The following SH3RF1 variants were observed in gnomAD, a reference collection of about 807,000 sequenced individuals.
SH3RF1 encodes E3 ubiquitin-protein ligase SH3RF1.
Under a neutral mutation model 74.0 loss-of-function variants are expected in SH3RF1, and 32 were observed. The ratio of observed to expected loss-of-function variants is 0.43; its 90% CI spans 0.33 to 0.58. The LOEUF (loss-of-function observed/expected upper bound fraction) is 0.58. SH3RF1 is among the 20% of genes least tolerant of loss of function. SH3RF1 has a pLI of 0.05. For missense variants in SH3RF1, 954 were observed against 1,130.9 expected, an observed-to-expected ratio of 0.84 and a Z score of 2.24; for synonymous variants, 396 against 439.6, an observed-to-expected ratio of 0.90 and a Z score of 1.24.
intron 11 of SH3RF1, among the ~76,000 whole-genome samples, chr4:169,101,396 A>T (rs1351674933): frequency 1.3e-5 from 2 of 152,172 alleles, no homozygotes; most frequent in African/African-American, 4.8e-5. Flanking sequence ...TCCACTTATG[A>T]GATGCCCAGA....
intron 3 of SH3RF1, among the ~76,000 whole-genome samples, chr4:169,155,876 T>TCC (rs3070773): frequency 0.012 from 908 of 73,042 alleles, 16 homozygotes; most frequent in African/African-American, 0.053. Context: ...CTCCTGAGTT[T>TCC]GTTTTAGATT....
intron 2 of SH3RF1, among the ~76,000 whole-genome samples, chr4:169,257,090 G>A (rs1466387398): frequency 6.6e-6 from 1 of 152,116 alleles, no homozygotes; most frequent in African/African-American, 2.4e-5. Context: ...GAAGAAATTA[G>A]GTAAGGAAGT....
intron 4 of SH3RF1, among the ~76,000 whole-genome samples, chr4:169,141,359 G>C (rs1455391069): frequency 6.6e-6 from 1 of 152,076 alleles, no homozygotes; most frequent in Non-Finnish European, 1.5e-5. Context: ...TGATAGCATG[G>C]TATTCCATTT....
At chr4:169,268,771 G>T in intron 2 of SH3RF1, 49 bp downstream of exon 2, 2 of 1,509,986 alleles carry the variant, frequency 1.3e-6, no homozygotes, top group Non-Finnish European at 1.8e-6. Context: ...AAGAAAAAAT[G>T]TGGACATTAC....
intron 2 of SH3RF1, among the ~76,000 whole-genome samples, chr4:169,246,880 C>T (rs1175711360): frequency 1.3e-5 from 2 of 152,308 alleles, no homozygotes; most frequent in East Asian, 3.9e-4. Context: ...GACAATCTTG[C>T]AAGACTGCTG....
intron 2 of SH3RF1, among the ~76,000 whole-genome samples, chr4:169,202,481 A>C (rs1270648506): frequency 3.3e-5 from 5 of 152,218 alleles, no homozygotes; most frequent in African/African-American, 1.2e-4. Flanking sequence ...TCTCATCTGA[A>C]GGAGGGGATG....
chr4:169,237,021 T>C (rs1306529290), intron 2 of SH3RF1, among the ~76,000 whole-genome samples: 1 of 152,158 alleles, frequency 6.6e-6, no homozygotes, highest in Non-Finnish European at 1.5e-5. Context: ...CAAGCACAAA[T>C]ATGCACACGC....
At chr4:169,253,360 T>A (rs1032150922) in intron 2 of SH3RF1, among the ~76,000 whole-genome samples, 1 of 152,250 alleles carries the variant, frequency 6.6e-6, no homozygotes, top group African/African-American at 2.4e-5. Context: ...GGTATTTCCA[T>A]GTATATAGTT....
chr4:169,179,725 TGTTTA>T (rs1329770333), intron 2 of SH3RF1, among the ~76,000 whole-genome samples: 1 of 152,244 alleles, frequency 6.6e-6, no homozygotes, highest in East Asian at 1.9e-4. Context: ...TCAATTTCAC[TGTTTA>T]TTTTAGCTCA....
intron 2 of SH3RF1, among the ~76,000 whole-genome samples, chr4:169,207,890 T>G (rs1730287044): frequency 1.3e-5 from 2 of 152,134 alleles, no homozygotes; most frequent in Admixed American, 1.3e-4. Context: ...CCCACAGAGC[T>G]GGACTCAGAT....
chr4:169,119,456 GT>G (rs1197240539), intron 8 of SH3RF1, among the ~76,000 whole-genome samples: 1 of 151,552 alleles, frequency 6.6e-6, no homozygotes, highest in Non-Finnish European at 1.5e-5. Flanking sequence ...CTAATAATTG[GT>G]TTTTGATAAA....
intron 2 of SH3RF1, among the ~76,000 whole-genome samples, chr4:169,249,538 G>C (rs1326541531): frequency 6.6e-6 from 1 of 152,180 alleles, no homozygotes; most frequent in Non-Finnish European, 1.5e-5. Context: ...CAGCAGAAAT[G>C]GACTAAGACA....
Position 169,110,875 on chromosome 4 carries a change from T to G in SH3RF1, c.2140-3670A>C, listed in dbSNP as rs2126940095. 3.9e-5 allele frequency among the ~76,000 whole-genome samples: 6 copies of G among 152,272 alleles called. No homozygotes were observed. In the Middle Eastern group the frequency reaches 0.02, roughly 518 times the overall value. ...TCAGGCGAGACTTACAAAGCACCTC[T>G]AGAGATTCTGAAGTTATGCGTAGAA... On this transcript the variant is annotated intron_variant, in intron 10 of 11. Coordinates refer to ENST00000284637, the MANE Select transcript of SH3RF1 (RefSeq NM_020870.4).
chr4:169,257,555 C>T (rs1731211062), intron 2 of SH3RF1, among the ~76,000 whole-genome samples: 1 of 152,220 alleles, frequency 6.6e-6, no homozygotes, highest in Non-Finnish European at 1.5e-5. Context: ...AGCTCAGTTA[C>T]CTGCCTCCCC....
At chr4:169,243,704 G>C (rs1444620610) in intron 2 of SH3RF1, among the ~76,000 whole-genome samples, 1 of 152,104 alleles carries the variant, frequency 6.6e-6, no homozygotes. Flanking sequence ...ATTTAAATCT[G>C]TCCTCAACAG....
intron 5 of SH3RF1, among the ~76,000 whole-genome samples, chr4:169,131,422 C>T (rs1733618013): frequency 6.6e-6 from 1 of 152,134 alleles, no homozygotes; most frequent in Admixed American, 6.6e-5. Flanking sequence ...TGTCACACTT[C>T]TTATTAGACA....
rs116259402 is a variant in SH3RF1, at chr4:169,094,982, C to A, written c.*1537G>T. 1,067 of 152,442 alleles carry A rather than the reference C, an allele frequency of 7.0e-3. 7 individuals are homozygous for A. Among genetic ancestry groups the A allele is most frequent in the Non-Finnish European group, 0.012 (794 of 67,980 alleles). 9.4% of individuals were successfully genotyped at this position (152,442 alleles called of 1,614,324 possible). A position where few individuals can be genotyped will look rare whatever the true frequency, so the allele number is the denominator to read the frequency against. On this transcript the variant is annotated 3_prime_UTR_variant, in exon 12 of 12. Coordinates refer to ENST00000284637, the MANE Select transcript of SH3RF1 (RefSeq NM_020870.4). ...AGAAAACTGTGGTAAGGATCTTATT[C>A]ATTACCAGGCTGTCTTCCCTCCTTT...
At chr4:169,158,059 C>T (rs1316374285) in intron 2 of SH3RF1, among the ~76,000 whole-genome samples, 2 of 152,178 alleles carry the variant, frequency 1.3e-5, no homozygotes, top group African/African-American at 4.8e-5. Context: ...CTTTTTACCA[C>T]GCAATGTGCA....
intron 2 of SH3RF1, among the ~76,000 whole-genome samples, chr4:169,256,518 T>C (rs1039386749): frequency 6.6e-6 from 1 of 152,180 alleles, no homozygotes; most frequent in African/African-American, 2.4e-5. Context: ...GAACGAAATG[T>C]TCTATGGTAT....
Sources: allele counts gnomAD v4.1 joint callset (sites outside exome capture counted in the v4.1 genomes callset), GRCh38; gene constraint gnomAD v4.1.1; transcripts MANE v1.5; gene names NCBI Gene and HGNC (gene_info 2026-07-23, HGNC 2026-07-21).